PTPN11: variants seen among roughly 807,000 people sequenced by gnomAD.
PTPN11 encodes tyrosine-protein phosphatase non-receptor type 11.
A neutral mutation model predicts 78.8 loss-of-function variants in PTPN11; 6 were observed. The ratio of observed to expected loss-of-function variants is 0.08; its 90% CI spans 0.04 to 0.15. PTPN11 has a LOEUF of 0.15. Among genes scored for constraint, PTPN11 ranks in the 10% least tolerant of loss-of-function variants. The pLI, the probability that PTPN11 is intolerant of heterozygous loss-of-function variation, is 1.00. For missense variants in PTPN11, 386 were observed against 744.8 expected, an observed-to-expected ratio of 0.52 and a Z score of 5.61; for synonymous variants, 221 against 263.5, an observed-to-expected ratio of 0.84 and a Z score of 1.56.
intron 6 of PTPN11, among the ~76,000 whole-genome samples, chr12:112,467,653 C>G (rs1322995602): frequency 1.2e-4 from 18 of 152,092 alleles, no homozygotes; most frequent in Admixed American, 3.9e-4. Flanking sequence ...CATCACAATG[C>G]CCAGCTGATT....
rs953487891 is a variant in PTPN11, at chr12:112,507,312, C to T, written c.*1520C>T. The stretch of plus-strand genomic sequence containing the variant: ...CCTGAGCCTATTTTTGGAACCAGCA[C>T]TTGGGGAAACTGATCTTGTGAGGAT... On this transcript the variant is annotated 3_prime_UTR_variant, in exon 16 of 16. Transcript: ENST00000351677. The T allele has an allele frequency of 1.3e-5, 2 of 152,596 alleles. No homozygotes were observed. The highest frequency in any genetic ancestry group is 2.4e-5 in the African/African-American group (1 of 41,464). 9.5% of individuals were successfully genotyped at this position (152,596 alleles called of 1,614,324 possible).
At chr12:112,440,267 T>G (rs1423668910) in intron 1 of PTPN11, among the ~76,000 whole-genome samples, 1 of 152,160 alleles carries the variant, frequency 6.6e-6, no homozygotes, top group African/African-American at 2.4e-5. Flanking sequence ...GAAATTCTAT[T>G]CTGTCTCAAT....
chr12:112,466,444 A>G (rs921326444), intron 6 of PTPN11, among the ~76,000 whole-genome samples: 2 of 152,230 alleles, frequency 1.3e-5, no homozygotes, highest in Non-Finnish European at 2.9e-5. Context: ...CATGCCTACA[A>G]TCCCAGCATT....
chr12:112,431,528 G>GT lies in PTPN11; in HGVS notation c.14+12411dup, dbSNP rs1201067741. ...TTGAGTGTCACCCCTGAGAAGCAGG[G>GT]TTTTTTTTGAGAAGGTAGGATGGGG... On this transcript the variant is annotated intron_variant, in intron 1 of 15. Transcript: ENST00000351677. Among the ~76,000 whole-genome samples, 5 of 152,018 alleles carry GT rather than the reference G, an allele frequency of 3.3e-5. No homozygotes were observed. In the South Asian group the frequency reaches 6.2e-4, roughly 19 times the overall value.
intron 1 of PTPN11, among the ~76,000 whole-genome samples, chr12:112,423,859 A>G (rs553594966): frequency 6.9e-6 from 1 of 145,968 alleles, no homozygotes; most frequent in East Asian, 2.0e-4. Context: ...TGATCCTCCC[A>G]TCTCAGCCTC....
chr12:112,429,405 C>G (rs1005047188), intron 1 of PTPN11, among the ~76,000 whole-genome samples: 2 of 151,624 alleles, frequency 1.3e-5, no homozygotes, highest in Non-Finnish European at 2.9e-5. Flanking sequence ...AGAAGACCAC[C>G]TACCTTATCT....
In PTPN11 at chr12:112,504,625, A is replaced by G; in HGVS notation, c.1713-70A>G. ...CCAAAGAATGTAGTATGTGTTTTAT[A>G]GATATCATGTAAGCTTAAACAGCGT... On this transcript the variant is annotated intron_variant, in intron 14 of 15. Coordinates refer to ENST00000351677, the MANE Select transcript of PTPN11 (RefSeq NM_002834.5). The surrounding 1 kb of genome is among the most constrained non-coding windows in gnomAD (Gnocchi z 4.7). 4.4e-6 allele frequency: 5 copies of G among 1,129,586 alleles called. No individual in the cohort carries two copies. Among genetic ancestry groups the G allele is most frequent in the Non-Finnish European group, 6.6e-6 (5 of 758,574 alleles). The allele number at this position is 1,129,586 out of a possible 1,614,324, so 70.0% of individuals were successfully genotyped here. A position where few individuals can be genotyped will look rare whatever the true frequency, so the allele number is the denominator to read the frequency against.
intron 1 of PTPN11, among the ~76,000 whole-genome samples, chr12:112,442,828 TTTTATATATATATATATATATATATATA>T (rs2037916844): frequency 1.8e-5 from 1 of 54,988 alleles, no homozygotes; most frequent in African/African-American, 7.4e-5. Context: ...CTCTCTCTCT[TTTTATATATATATATATATATATATATA>T]TATATATATA....
At chr12:112,428,593 GAAT>G (rs1280161687) in intron 1 of PTPN11, among the ~76,000 whole-genome samples, 1 of 151,058 alleles carries the variant, frequency 6.6e-6, no homozygotes, top group Non-Finnish European at 1.5e-5. Flanking sequence ...GTCAGTGATT[GAAT>G]ACACGTATTA....
At chr12:112,435,617 C>G (rs544619618) in intron 1 of PTPN11, among the ~76,000 whole-genome samples, 1 of 150,978 alleles carries the variant, frequency 6.6e-6, no homozygotes, top group South Asian at 2.1e-4. Context: ...AGTTATTTTC[C>G]CTTCAATAAC....
At chr12:112,460,373 A>G (rs919068389) in intron 6 of PTPN11, among the ~76,000 whole-genome samples, 1 of 152,220 alleles carries the variant, frequency 6.6e-6, no homozygotes, top group Non-Finnish European at 1.5e-5. Flanking sequence ...TATCCCTGTC[A>G]TCATATTTTT....
Position 112,419,052 on chromosome 12 carries a change from G to T in PTPN11, c.-60G>T, listed in dbSNP as rs550428179. On this transcript the variant is annotated 5_prime_UTR_variant, in exon 1 of 16. Transcript: ENST00000351677. Reference sequence around the variant, plus strand: ...TCCCTCGGGCCAGCCCGATGTGACCGAGCCCAGCGGAGCCTGAGCAAGGAG... The same window carrying T: ...TCCCTCGGGCCAGCCCGATGTGACCTAGCCCAGCGGAGCCTGAGCAAGGAG... 3 of 1,533,420 alleles carry T rather than the reference G, an allele frequency of 2.0e-6. No homozygotes were observed. Among genetic ancestry groups the T allele is most frequent in the South Asian group, 2.4e-5 (2 of 83,076 alleles). The allele number at this position is 1,533,420 out of a possible 1,614,324, so 95.0% of individuals were successfully genotyped here. A position where few individuals can be genotyped will look rare whatever the true frequency, so the allele number is the denominator to read the frequency against.
intron 2 of PTPN11, among the ~76,000 whole-genome samples, chr12:112,447,438 T>C (rs947460403): frequency 2.0e-5 from 3 of 152,202 alleles, no homozygotes; most frequent in African/African-American, 7.2e-5. Flanking sequence ...CATGGATTTA[T>C]AATGTATGTA....
chr12:112,505,199 A>G (rs1285828428), intron 15 of PTPN11, among the ~76,000 whole-genome samples: 1 of 152,130 alleles, frequency 6.6e-6, no homozygotes, highest in Non-Finnish European at 1.5e-5. Context: ...TTCTCATTTC[A>G]GTCAGTCTCT....
intron 1 of PTPN11, among the ~76,000 whole-genome samples, chr12:112,439,335 C>T (rs558055911): frequency 2.6e-5 from 4 of 152,086 alleles, no homozygotes; most frequent in Non-Finnish European, 4.4e-5. Context: ...CCTCTTTTGC[C>T]GAGGCTGGAG....
chr12:112,480,452 C>T (rs1208760371), intron 9 of PTPN11, among the ~76,000 whole-genome samples: 4 of 151,630 alleles, frequency 2.6e-5, no homozygotes, highest in East Asian at 1.9e-4. Context: ...CTGCAGGCTC[C>T]GCCTCCCGGA....
At chr12:112,462,962 T>G (rs932800053) in intron 6 of PTPN11, among the ~76,000 whole-genome samples, 3 of 152,184 alleles carry the variant, frequency 2.0e-5, no homozygotes, top group African/African-American at 7.2e-5. Flanking sequence ...AAATGGTGGT[T>G]ATTATTCATC....
intron 9 of PTPN11, among the ~76,000 whole-genome samples, chr12:112,479,975 A>C (rs920888407): frequency 3.4e-4 from 51 of 152,140 alleles, no homozygotes; most frequent in African/African-American, 1.2e-3. Context: ...GTATCCCCCC[A>C]GTGCACAGAA....
At chr12:112,469,929 T>C (rs2038388095) in intron 6 of PTPN11, among the ~76,000 whole-genome samples, 1 of 148,580 alleles carries the variant, frequency 6.7e-6, no homozygotes, top group Non-Finnish European at 1.5e-5. Flanking sequence ...TTGAAGGTGC[T>C]TTTTTTTTTG....
Sources: gnomAD v4.1 joint callset for allele counts (sites outside exome capture counted in the v4.1 genomes callset) on GRCh38, gnomAD v4.1.1 for gene constraint, Gnocchi (gnomAD v3.1) non-coding constraint, MANE v1.5 for transcripts, NCBI Gene and HGNC (gene_info 2026-07-23, HGNC 2026-07-21) for gene names.